The following LMF1 variants were observed in gnomAD, a reference collection of about 807,000 sequenced individuals.
The protein encoded by LMF1 is transmembrane protein 112.
Under a neutral mutation model 60.6 loss-of-function variants are expected in LMF1, and 68 were observed. The observed-to-expected ratio is 1.12, with a 90% confidence interval of 0.92 to 1.37. The LOEUF (loss-of-function observed/expected upper bound fraction) is 1.37, where lower values mean the gene tolerates loss of function less well. LMF1 is among the 40% of genes most tolerant of loss of function. The probability of loss-of-function intolerance (pLI) is 0.00; values close to 1 mark genes in which losing one functional copy is unlikely to be tolerated. For synonymous variants in LMF1, 418 were observed against 324.7 expected, an observed-to-expected ratio of 1.29 and a Z score of -3.09; for missense variants, 948 against 767.2, an observed-to-expected ratio of 1.24 and a Z score of -2.78.
intron 4 of LMF1, chr16:893,347 A>T (rs184244366): frequency 1.7e-6 from 1 of 572,630 alleles, no homozygotes; most frequent in Admixed American, 2.2e-5. Flanking sequence ...TCATTCTCAG[A>T]GCTCCACGCA....
chr16:951,799 T>A (rs1273026718), intron 2 of LMF1, among the ~76,000 whole-genome samples: 1 of 152,080 alleles, frequency 6.6e-6, no homozygotes, highest in African/African-American at 2.4e-5. Flanking sequence ...ACCAAGAGCA[T>A]GTGGTGAAGG....
intron 3 of LMF1, among the ~76,000 whole-genome samples, chr16:922,261 C>T (rs1001203699): frequency 3.3e-5 from 5 of 152,194 alleles, no homozygotes; most frequent in African/African-American, 1.2e-4. Flanking sequence ...CACAATCTCG[C>T]CTCCGATGCA....
intron 10 of LMF1, chr16:855,636 C>T (rs897542304): frequency 1.8e-5 from 8 of 451,200 alleles, no homozygotes; most frequent in Middle Eastern, 3.6e-4. Context: ...GCTTCTCAGC[C>T]CACAGGGCGG....
intron 5 of LMF1, chr16:887,099 G>A (rs2070330918): frequency 1.3e-5 from 2 of 152,062 alleles, no homozygotes; most frequent in South Asian, 2.1e-4. Flanking sequence ...CACATTAGCG[G>A]GCCCCCATAT....
At chr16:907,515 G>A (rs2071000391) in intron 4 of LMF1, among the ~76,000 whole-genome samples, 1 of 152,080 alleles carries the variant, frequency 6.6e-6, no homozygotes, top group Non-Finnish European at 1.5e-5. Context: ...CCTTCTGCTT[G>A]GCACCCTCAT....
At position 854,571 on chromosome 16, in the gene LMF1, G is replaced by T. The variant is rs2151672948; in HGVS notation, c.1665C>A (p.Tyr555Ter). The T allele has an allele frequency of 6.2e-7, 1 of 1,608,620 alleles. No homozygotes were observed. Among genetic ancestry groups the T allele is most frequent in the Non-Finnish European group, 8.5e-7 (1 of 1,179,026 alleles). The change falls in exon 11 of 11, where the codon TAC (tyrosine) becomes TAA (stop). Residue 555 changes from tyrosine to a stop codon, truncating the protein, a stop_gained. Coordinates refer to ENST00000262301, the MANE Select transcript of LMF1 (RefSeq NM_022773.4). LOFTEE classifies it low-confidence loss of function (END_TRUNC). ...GCAGAGGCCACCCACGGTCCCTGAAGTAGGGCCTCAGCTCCTCCAGGCTGA... is the reference window on the plus strand; with the variant it reads ...GCAGAGGCCACCCACGGTCCCTGAATTAGGGCCTCAGCTCCTCCAGGCTGA... ...PPLSLEELRP[Y>*]FRDRGWPLPG...
intron 2 of LMF1, chr16:947,573 G>A: frequency 2.2e-6 from 1 of 456,030 alleles, no homozygotes. Context: ...AGCTCCAAGG[G>A]CAGCTCCCGC....
chr16:874,637 G>A lies in LMF1; in HGVS notation c.898-3296C>T, dbSNP rs537920571. ...TGGGAGGAGGGAGGCTGCTCATGCC[G>A]CAACTCCCCAACGGAAGGATCACGG... On this transcript the variant is annotated intron_variant, in intron 6 of 10. Transcript: ENST00000262301. This position sits in a 1 kb window ranked among gnomAD's most constrained non-coding sequence, Gnocchi z 4.1. Among the ~76,000 whole-genome samples, 29 of 152,260 alleles carry A rather than the reference G, an allele frequency of 1.9e-4. No individual in the cohort carries two copies. The highest frequency in any genetic ancestry group is 1.6e-3 in the Admixed American group (25 of 15,300).
intron 10 of LMF1, among the ~76,000 whole-genome samples, chr16:856,611 A>G (rs7189208): frequency 0.12 from 17,808 of 152,254 alleles, 3,127 homozygotes; most frequent in African/African-American, 0.38. Context: ...TAGGGGGCCC[A>G]GGGCCTGGTC....
intron 4 of LMF1, among the ~76,000 whole-genome samples, chr16:909,857 T>C (rs1279572513): frequency 1.3e-5 from 2 of 151,992 alleles, no homozygotes; most frequent in East Asian, 3.9e-4. Context: ...ACTGAAGGAG[T>C]GGCCGAGACG....
Position 958,715 on chromosome 16 carries a change from C to T in LMF1, c.194-4049G>A, listed in dbSNP as rs868323066. The stretch of plus-strand genomic sequence containing the variant: ...CAGCCTGGCCAATGTGGTGAAACCC[C>T]GTCTCTACTAAAAATACAAAAATTA... On this transcript the variant is annotated intron_variant, in intron 1 of 10. Coordinates refer to ENST00000262301, the MANE Select transcript of LMF1 (RefSeq NM_022773.4). Among the ~76,000 whole-genome samples, 39 of 152,182 alleles carry T rather than the reference C, an allele frequency of 2.6e-4. 1 individual carries two copies. In the South Asian group the frequency reaches 4.6e-3, roughly 18 times the overall value.
rs115313199 is a variant in LMF1 at position 954,476 on chromosome 16, C to G, written c.384G>C (p.Leu128Phe). Residue 128 changes from leucine (L) to phenylalanine (F), a missense_variant, in exon 2 of 11, where the codon TTG becomes TTC. Coordinates refer to ENST00000262301, the MANE Select transcript of LMF1 (RefSeq NM_022773.4). ...AGATGCCCAGTCCGAGAAGAGCCAG[C>G]AAGTCCAGGTTGGAGTTCATGTCTG... ...DWSDMNSNLD[L>F]LALLGLGISS... The G allele has an allele frequency of 6.0e-4, 961 of 1,612,730 alleles. 5 individuals carry two copies. In the African/African-American group the frequency reaches 0.011, roughly 18 times the overall value.
At chr16:966,768 C>T (rs2151492745) in intron 1 of LMF1, among the ~76,000 whole-genome samples, 1 of 152,320 alleles carries the variant, frequency 6.6e-6, no homozygotes, top group South Asian at 2.1e-4. Context: ...TGATGAGCAA[C>T]TTGGCCAAGG....
intron 9 of LMF1, 25 bp from the exon 10 acceptor site, chr16:869,081 A>G: frequency 6.7e-7 from 1 of 1,487,290 alleles, no homozygotes; most frequent in Non-Finnish European, 9.4e-7. Context: ...CGGGCTGGAG[A>G]CGGCTGTGCC....
At chr16:870,670 G>T in intron 8 of LMF1, 59 bp downstream of exon 8, 1 of 1,590,142 alleles carries the variant, frequency 6.3e-7, no homozygotes, top group Non-Finnish European at 8.6e-7. Flanking sequence ...AATGTGGCTG[G>T]TCAGGGCTGA....
intron 3 of LMF1, among the ~76,000 whole-genome samples, chr16:917,709 C>G (rs2071320801): frequency 6.6e-6 from 1 of 152,208 alleles, no homozygotes; most frequent in Non-Finnish European, 1.5e-5. Flanking sequence ...GCTGGGAGGT[C>G]CTGATGTCAG....
chr16:861,234 G>A (rs1167641281), intron 10 of LMF1, among the ~76,000 whole-genome samples: 1 of 151,862 alleles, frequency 6.6e-6, no homozygotes, highest in Non-Finnish European at 1.5e-5. Context: ...GTTTTAAGTG[G>A]TTCTGCGTAT....
chr16:927,849 C>T (rs561157793), intron 3 of LMF1, among the ~76,000 whole-genome samples: 11 of 152,204 alleles, frequency 7.2e-5, no homozygotes, highest in African/African-American at 2.2e-4. Context: ...CAATGGCTGG[C>T]GGGAGGTGCT....
intron 3 of LMF1, among the ~76,000 whole-genome samples, chr16:928,454 C>G (rs1382996488): frequency 6.6e-6 from 1 of 152,198 alleles, no homozygotes; most frequent in South Asian, 2.1e-4. Context: ...CCAACTCTCC[C>G]CTGGATGGGA....
Sources: gnomAD v4.1 joint callset for allele counts (sites outside exome capture counted in the v4.1 genomes callset) on GRCh38, gnomAD v4.1.1 for gene constraint, Gnocchi (gnomAD v3.1) non-coding constraint, MANE v1.5 for transcripts, NCBI Gene and HGNC (gene_info 2026-07-23, HGNC 2026-07-21) for gene names.